DEPTOR: variants seen among roughly 807,000 people sequenced by gnomAD.
DEPTOR encodes the protein DEP domain-containing mTOR-interacting protein.
A neutral mutation model predicts 41.6 loss-of-function variants in DEPTOR; 41 were observed. The ratio of observed to expected loss-of-function variants is 0.98; its 90% CI spans 0.77 to 1.28. The LOEUF (loss-of-function observed/expected upper bound fraction) is 1.28. Ranked by LOEUF, DEPTOR falls within the 50% of genes most tolerant of loss-of-function variation. The probability of loss-of-function intolerance (pLI) is 0.00; values close to 1 mark genes in which losing one functional copy is unlikely to be tolerated. For synonymous variants in DEPTOR, 195 were observed against 192.3 expected (o/e 1.01, Z -0.12); for missense variants, 514 against 527.9 (o/e 0.97, Z 0.26).
At chr8:120,018,304 G>T (rs1426640605) in intron 8 of DEPTOR, among the ~76,000 whole-genome samples, 1 of 152,266 alleles carries the variant, frequency 6.6e-6, no homozygotes, top group South Asian at 2.1e-4. Flanking sequence ...ATAACCGGGC[G>T]TGGTGGCTCA....
intron 3 of DEPTOR, among the ~76,000 whole-genome samples, chr8:119,943,682 G>T (rs772354527): frequency 1.3e-5 from 2 of 152,022 alleles, no homozygotes; most frequent in Non-Finnish European, 2.9e-5. Context: ...CTGGAAACTG[G>T]TCTCTCTCTA....
intron 3 of DEPTOR, among the ~76,000 whole-genome samples, chr8:119,939,282 G>T (rs879682571): frequency 1.3e-5 from 2 of 152,164 alleles, no homozygotes; most frequent in Admixed American, 1.3e-4. Flanking sequence ...GGCAAGCTTG[G>T]TCTGCCGGGG....
intron 3 of DEPTOR, among the ~76,000 whole-genome samples, chr8:119,953,987 G>A (rs941675079): frequency 2.6e-5 from 4 of 151,734 alleles, no homozygotes; most frequent in African/African-American, 4.8e-5. Flanking sequence ...TGTATTTTTA[G>A]TAGAGATGGG....
intron 3 of DEPTOR, among the ~76,000 whole-genome samples, chr8:119,957,135 T>G (rs1397641604): frequency 6.6e-6 from 1 of 152,184 alleles, no homozygotes; most frequent in Admixed American, 6.6e-5. Flanking sequence ...TCTTCCTGCC[T>G]TAGCCTCCCA....
intron 4 of DEPTOR, among the ~76,000 whole-genome samples, chr8:119,980,506 T>TTCTTC: frequency 2.4e-5 from 3 of 123,948 alleles, no homozygotes; most frequent in African/African-American, 8.4e-5. Context: ...TTCTTTTCTT[T>TTCTTC]TCTTTTCTCT....
At chr8:119,919,960 G>A (rs1178267966) in intron 1 of DEPTOR, among the ~76,000 whole-genome samples, 1 of 152,166 alleles carries the variant, frequency 6.6e-6, no homozygotes, top group Admixed American at 6.5e-5. Context: ...AGTAATGTTT[G>A]TTCTCTTAGG....
chr8:120,041,694 C>T (rs529065934), intron 8 of DEPTOR, among the ~76,000 whole-genome samples: 2 of 152,036 alleles, frequency 1.3e-5, no homozygotes, highest in Non-Finnish European at 2.9e-5. Context: ...TGCACCACCA[C>T]GCCCAGCTGA....
intron 4 of DEPTOR, among the ~76,000 whole-genome samples, chr8:119,969,345 G>GTTTTTTTTTTTTTTTTTT (rs1418719836): frequency 1.3e-5 from 2 of 148,326 alleles, no homozygotes; most frequent in African/African-American, 2.5e-5. Context: ...TAATAAATCT[G>GTTTTTTTTTTTTTTTTTT]TTTTGTTTTT....
At chr8:120,000,060 A>T (rs565449424) in intron 4 of DEPTOR, among the ~76,000 whole-genome samples, 1 of 152,300 alleles carries the variant, frequency 6.6e-6, no homozygotes, top group South Asian at 2.1e-4. Context: ...TTATTTATGT[A>T]AGGGGTTACC....
At chr8:120,020,509 G>C (rs979358304) in intron 8 of DEPTOR, among the ~76,000 whole-genome samples, 2 of 152,270 alleles carry the variant, frequency 1.3e-5, no homozygotes, top group East Asian at 3.9e-4. Context: ...CCAAGTAGCT[G>C]GGACCACAGG....
intron 1 of DEPTOR, among the ~76,000 whole-genome samples, chr8:119,907,405 A>C (rs1044461112): frequency 6.6e-6 from 1 of 152,202 alleles, no homozygotes; most frequent in African/African-American, 2.4e-5. Context: ...TTTTATGTTT[A>C]GTTAATCAGC....
chr8:120,042,379 T>C (rs973633926), intron 8 of DEPTOR, among the ~76,000 whole-genome samples: 5 of 152,226 alleles, frequency 3.3e-5, no homozygotes, highest in Middle Eastern at 3.2e-3. Context: ...TAACTGAATA[T>C]GTTACATAGT....
chr8:120,008,236 C>T (rs1213347928), intron 7 of DEPTOR, among the ~76,000 whole-genome samples: 1 of 151,982 alleles, frequency 6.6e-6, no homozygotes, highest in Non-Finnish European at 1.5e-5. Context: ...GTGGAGGGCT[C>T]CCTTGGTGGA....
chr8:119,915,945 TAAAAAAA>T (rs201870960), intron 1 of DEPTOR, among the ~76,000 whole-genome samples: 1 of 126,654 alleles, frequency 7.9e-6, no homozygotes, highest in Non-Finnish European at 1.6e-5. Context: ...CTTCATTTGT[TAAAAAAA>T]AAAAAAAAAA....
At chr8:120,045,132 GA>G (rs1813135088) in intron 8 of DEPTOR, among the ~76,000 whole-genome samples, 3 of 152,170 alleles carry the variant, frequency 2.0e-5, no homozygotes, top group African/African-American at 7.2e-5. Flanking sequence ...AGGTTTGTGT[GA>G]AATGAGCAGT....
intron 3 of DEPTOR, among the ~76,000 whole-genome samples, chr8:119,955,178 G>A (rs922505301): frequency 6.6e-6 from 1 of 151,852 alleles, no homozygotes; most frequent in African/African-American, 2.4e-5. Flanking sequence ...AATTTTAAGA[G>A]TTATTATGTT....
intron 3 of DEPTOR, among the ~76,000 whole-genome samples, chr8:119,953,524 G>A (rs1828379106): frequency 6.6e-6 from 1 of 151,532 alleles, no homozygotes; most frequent in Admixed American, 6.6e-5. Context: ...CCAGGAGGTG[G>A]AGGTTGCAGT....
At chr8:119,963,275 A>G (rs1828514940) in intron 3 of DEPTOR, among the ~76,000 whole-genome samples, 1 of 152,166 alleles carries the variant, frequency 6.6e-6, no homozygotes, top group African/African-American at 2.4e-5. Flanking sequence ...AGCAGAGGGC[A>G]GGTCGAAAAC....
At chr8:119,991,084 TTCTTTTTCTTTCTTTCTTTC>T (rs1393948275) in intron 4 of DEPTOR, among the ~76,000 whole-genome samples, 8 of 75,624 alleles carry the variant, frequency 1.1e-4, no homozygotes, top group African/African-American at 3.9e-4. Flanking sequence ...CTTTCTTTCT[TTCTTTTTCTTTCTTTCTTTC>T]TTTCTTTCTT....
Sources: allele counts gnomAD v4.1 joint callset (sites outside exome capture counted in the v4.1 genomes callset), GRCh38; gene constraint gnomAD v4.1.1; transcripts MANE v1.5; gene names NCBI Gene and HGNC (gene_info 2026-07-23, HGNC 2026-07-21).